PCDHA9: variants seen among roughly 807,000 people sequenced by gnomAD.
PCDHA9 encodes protocadherin alpha-9.
Under a neutral mutation model 62.0 loss-of-function variants are expected in PCDHA9, and 62 were observed. The observed-to-expected ratio is 1.00, with a 90% CI of 0.81 to 1.23. The LOEUF (loss-of-function observed/expected upper bound fraction) is 1.23, where lower values mean the gene tolerates loss of function less well. Ranked by LOEUF, PCDHA9 falls within the 50% of genes most tolerant of loss-of-function variation. PCDHA9 has a pLI of 0.00. For missense variants in PCDHA9, 1,205 were observed against 1,249.8 expected (o/e 0.96, Z 0.54); for synonymous variants, 557 against 567.6 (o/e 0.98, Z 0.27).
chr5:140,883,494 T>C, intron 1 of PCDHA9: 1 of 1,614,208 alleles, frequency 6.2e-7, no homozygotes, highest in Non-Finnish European at 8.5e-7. Flanking sequence ...TCATTAGTGC[T>C]GGACAGCGCC....
intron 1 of PCDHA9, among the ~76,000 whole-genome samples, chr5:140,886,340 G>A (rs2060950327): frequency 6.6e-6 from 1 of 151,864 alleles, no homozygotes; most frequent in East Asian, 1.9e-4. Flanking sequence ...TGTGCAGAAC[G>A]TGCAGGTTTG....
chr5:140,928,552 G>A lies in PCDHA9; in HGVS notation c.2395-50397G>A, dbSNP rs145928329. On this transcript the variant is annotated intron_variant, in intron 1 of 3. Coordinates refer to ENST00000532602, the MANE Select transcript of PCDHA9 (RefSeq NM_031857.2). ...GGTAGATAGGAATGACAATTATCCGGTTATCTTGTTTCCCTTGCCCAGAAA... is the reference window on the plus strand; with the variant it reads ...GGTAGATAGGAATGACAATTATCCGATTATCTTGTTTCCCTTGCCCAGAAA... The A allele has an allele frequency of 6.7e-4, 1,075 of 1,614,218 alleles. 1 individual carries two copies. Among genetic ancestry groups the A allele is most frequent in the Non-Finnish European group, 8.6e-4 (1,013 of 1,180,042 alleles).
At position 140,971,223 on chromosome 5, in the gene PCDHA9, C is replaced by T. The variant is rs904012820; in HGVS notation, c.2395-7726C>T. The stretch of plus-strand genomic sequence containing the variant: ...GACACTGTTACCCTCCCTCTCCTGA[C>T]TCAAAGCTTGGGGCAATTTGATACA... On this transcript the variant is annotated intron_variant, in intron 1 of 3. Transcript: ENST00000532602. Among the ~76,000 whole-genome samples, 3 of 152,148 alleles carry T rather than the reference C, an allele frequency of 2.0e-5. No homozygotes were observed. The South Asian group carries it at 6.2e-4, about 31-fold the overall frequency.
chr5:140,866,148 A>G (rs1031440226), intron 1 of PCDHA9: 4 of 152,180 alleles, frequency 2.6e-5, no homozygotes, highest in South Asian at 4.1e-4. Flanking sequence ...TGGAAGTGAT[A>G]TAAGTAAGAA....
chr5:140,857,371 T>C (rs1203627643), intron 1 of PCDHA9: 2 of 1,598,092 alleles, frequency 1.3e-6, no homozygotes, highest in African/African-American at 2.7e-5. Flanking sequence ...CCAGCGTGTC[T>C]GTGGAGGTGG....
intron 1 of PCDHA9, 97 bp downstream of exon 1, chr5:140,850,986 T>C (rs2041915451): frequency 6.9e-7 from 1 of 1,450,124 alleles, no homozygotes; most frequent in South Asian, 1.6e-5. Context: ...TTTATTCATT[T>C]TTCTAGAAAT....
At position 140,848,832 on chromosome 5, in the gene PCDHA9, C is replaced by A; in HGVS notation, c.337C>A (p.Pro113Thr). Reference protein sequence around the residue: ...SIHLEVIVDRPLQVFHVDVEV... With the variant: ...SIHLEVIVDRTLQVFHVDVEV... The stretch of plus-strand genomic sequence containing the variant: ...CCACCTGGAGGTGATCGTAGACAGG[C>A]CGCTGCAGGTTTTCCATGTGGACGT... Residue 113 changes from proline (P) to threonine (T), a missense_variant, in exon 1 of 4, where the codon CCG (proline) becomes ACG (threonine). This residue lies in a region of PCDHA9 where 208 missense variants were observed against 213.2 expected (regional missense o/e 0.98). Transcript: ENST00000532602. The A allele has an allele frequency of 6.3e-7, 1 of 1,590,228 alleles. No homozygotes were observed.
At chr5:140,945,200 A>G (rs2093757745) in intron 1 of PCDHA9, among the ~76,000 whole-genome samples, 1 of 152,168 alleles carries the variant, frequency 6.6e-6, no homozygotes, top group South Asian at 2.1e-4. Context: ...GCTATTTACA[A>G]TAGCTATGAG....
chr5:140,915,630 C>G (rs2077218866), intron 1 of PCDHA9, among the ~76,000 whole-genome samples: 1 of 142,802 alleles, frequency 7.0e-6, no homozygotes, highest in South Asian at 2.1e-4. Flanking sequence ...CTTTCTGTCT[C>G]TCTCTCTCTC....
chr5:140,939,803 T>C (rs2092462819), intron 1 of PCDHA9, among the ~76,000 whole-genome samples: 1 of 152,228 alleles, frequency 6.6e-6, no homozygotes, highest in African/African-American at 2.4e-5. Flanking sequence ...ATGTTCTGCA[T>C]GTTCAAGAAA....
intron 1 of PCDHA9, among the ~76,000 whole-genome samples, chr5:140,921,179 GT>G (rs1563044506): frequency 6.6e-6 from 1 of 151,662 alleles, no homozygotes; most frequent in South Asian, 2.1e-4. Context: ...ATAAAGCACA[GT>G]TTTTTCACAA....
At chr5:140,884,344 G>C in intron 1 of PCDHA9, 1 of 1,613,904 alleles carries the variant, frequency 6.2e-7, no homozygotes, top group Non-Finnish European at 8.5e-7. Context: ...CAGAAGCGGC[G>C]CTGGTGGATG....
intron 1 of PCDHA9, among the ~76,000 whole-genome samples, chr5:140,973,059 A>G (rs2096570291): frequency 6.6e-6 from 1 of 152,062 alleles, no homozygotes; most frequent in African/African-American, 2.4e-5. Context: ...TTTGTCCAAC[A>G]GTGTCTCAGT....
At chr5:140,950,548 G>T (rs1363394631) in intron 1 of PCDHA9, among the ~76,000 whole-genome samples, 2 of 151,990 alleles carry the variant, frequency 1.3e-5, no homozygotes, top group African/African-American at 4.8e-5. Context: ...TTGCATGGCT[G>T]GGGGGACACT....
At chr5:140,902,668 G>C (rs1385644848) in intron 1 of PCDHA9, among the ~76,000 whole-genome samples, 3 of 152,126 alleles carry the variant, frequency 2.0e-5, no homozygotes, top group African/African-American at 7.2e-5. Context: ...CACCCAAGCA[G>C]TGTACACCGT....
chr5:140,986,950 A>G (rs1161887732), intron 3 of PCDHA9, among the ~76,000 whole-genome samples: 1 of 152,282 alleles, frequency 6.6e-6, no homozygotes, highest in East Asian at 1.9e-4. Context: ...GTGGTCGCTC[A>G]TGCCTGTAAT....
At chr5:140,973,858 C>G (rs1277402007) in intron 1 of PCDHA9, among the ~76,000 whole-genome samples, 1 of 152,156 alleles carries the variant, frequency 6.6e-6, no homozygotes, top group Non-Finnish European at 1.5e-5. Flanking sequence ...AATTTTTGCT[C>G]TCAATGAGAG....
chr5:140,875,696 T>C (rs2055720575), intron 1 of PCDHA9: 1 of 1,613,958 alleles, frequency 6.2e-7, no homozygotes, highest in Non-Finnish European at 8.5e-7. Flanking sequence ...GGGGACCTTC[T>C]GGAGGTAAAT....
intron 1 of PCDHA9, chr5:140,858,627 T>A: frequency 1.8e-6 from 2 of 1,097,414 alleles, no homozygotes; most frequent in South Asian, 1.7e-5. Flanking sequence ...ACCCAGTGTG[T>A]CAGCCTTTGA....
Sources: gnomAD v4.1 joint callset for allele counts (sites outside exome capture counted in the v4.1 genomes callset) on GRCh38, gnomAD v4.1.1 for gene constraint, gnomAD v4.1.1 regional missense constraint, MANE v1.5 for transcripts, NCBI Gene and HGNC (gene_info 2026-07-23, HGNC 2026-07-21) for gene names.